The following RCL1 variants were observed in gnomAD, a reference collection of about 807,000 sequenced individuals.
RCL1 encodes RNA terminal phosphate cyclase like 1, also known as RNA 3'-terminal phosphate cyclase-like protein.
Under a neutral mutation model 42.4 loss-of-function variants are expected in RCL1, and 24 were observed. The ratio of observed to expected loss-of-function variants is 0.57; its 90% confidence interval spans 0.41 to 0.80. The LOEUF is 0.80. RCL1 is among the 30% of genes least tolerant of loss of function. RCL1 has a pLI of 0.00. For synonymous variants in RCL1, 228 were observed against 177.3 expected (o/e 1.29, Z -2.27); for missense variants, 578 against 467.9 (o/e 1.24, Z -2.17).
In RCL1 at chr9:4,793,062, G is replaced by T; in HGVS notation, c.-30G>T. 1 of 1,596,936 alleles carries T rather than the reference G, an allele frequency of 6.3e-7. No homozygotes were observed. The highest frequency in any genetic ancestry group is 8.5e-7 in the Non-Finnish European group (1 of 1,171,640). Reference sequence around the variant, plus strand: ...GTCTGTCCGAAGTCGCCGCTCTCGGGCTGCTCACGTCTCTTCGGAGAGCGC... The same window carrying T: ...GTCTGTCCGAAGTCGCCGCTCTCGGTCTGCTCACGTCTCTTCGGAGAGCGC... On this transcript the variant is annotated 5_prime_UTR_variant, in exon 1 of 9. Transcript: ENST00000381750.
chr9:4,845,032 C>G (rs909742959), intron 7 of RCL1, among the ~76,000 whole-genome samples: 2 of 152,120 alleles, frequency 1.3e-5, no homozygotes, highest in African/African-American at 2.4e-5. Context: ...CCCGGCACCC[C>G]CCGATTGCTG....
chr9:4,800,714 G>A (rs1461753681), intron 1 of RCL1, among the ~76,000 whole-genome samples: 8 of 141,320 alleles, frequency 5.7e-5, no homozygotes, highest in Non-Finnish European at 1.1e-4. Context: ...ATGCAGTGAT[G>A]TGATCTTGGC....
At chr9:4,825,402 C>A (rs1816726259) in intron 2 of RCL1, among the ~76,000 whole-genome samples, 1 of 152,004 alleles carries the variant, frequency 6.6e-6, no homozygotes, top group Admixed American at 6.5e-5. Flanking sequence ...GTTTTTTGAT[C>A]TAAAGGATGG....
At chr9:4,837,297 A>G (rs981687424) in intron 5 of RCL1, among the ~76,000 whole-genome samples, 1 of 152,188 alleles carries the variant, frequency 6.6e-6, no homozygotes, top group Non-Finnish European at 1.5e-5. Flanking sequence ...ACTGTTGCCA[A>G]ATACACTGCG....
At position 4,844,566 on chromosome 9, in the gene RCL1, G is replaced by A. The variant is rs1201302921; in HGVS notation, c.752G>A (p.Ser251Asn). ...TTGTCACTGGTTGCTGAGACCACCA[G>A]TGGCACCTTCCTCAGTGCTGAACTG... is the stretch of plus-strand genomic sequence containing the variant. ...FGLSLVAETTSGTFLSAELAS... is the reference protein window; with the variant it reads ...FGLSLVAETTNGTFLSAELAS... The change falls in exon 7 of 9, where the codon AGT becomes AAT. Residue 251 changes from serine to asparagine, a missense_variant. Coordinates refer to ENST00000381750, the MANE Select transcript of RCL1 (RefSeq NM_005772.5). 2.0e-5 allele frequency: 32 copies of A among 1,613,712 alleles called. No homozygotes were observed. The highest frequency in any genetic ancestry group is 2.7e-5 in the Non-Finnish European group (32 of 1,179,866).
chr9:4,842,053 T>C (rs1488148707), intron 6 of RCL1, among the ~76,000 whole-genome samples: 1 of 152,236 alleles, frequency 6.6e-6, no homozygotes, highest in Non-Finnish European at 1.5e-5. Flanking sequence ...AACACGGAGA[T>C]ATACTCCTGC....
chr9:4,838,317 C>A (rs182255168), intron 5 of RCL1, among the ~76,000 whole-genome samples: 71 of 152,312 alleles, frequency 4.7e-4, no homozygotes, highest in African/African-American at 1.6e-3. Context: ...TTGGTTCCTG[C>A]CAGCAGCTGT....
chr9:4,810,668 C>G (rs562069403), intron 1 of RCL1, among the ~76,000 whole-genome samples: 1 of 152,208 alleles, frequency 6.6e-6, no homozygotes, highest in Admixed American at 6.5e-5. Context: ...GTGTATGTCT[C>G]TTGCCTGAAT....
intron 1 of RCL1, among the ~76,000 whole-genome samples, chr9:4,816,409 A>G (rs1816379711): frequency 6.6e-6 from 1 of 152,176 alleles, no homozygotes; most frequent in South Asian, 2.1e-4. Context: ...TTCTGTTTTA[A>G]AATATAAACT....
chr9:4,822,867 A>C (rs1389885029), intron 1 of RCL1, among the ~76,000 whole-genome samples: 1 of 152,166 alleles, frequency 6.6e-6, no homozygotes, highest in Non-Finnish European at 1.5e-5. Flanking sequence ...TATAAAATCC[A>C]ATCATTAAGA....
intron 5 of RCL1, among the ~76,000 whole-genome samples, chr9:4,836,247 G>C (rs984854996): frequency 6.6e-6 from 1 of 152,118 alleles, no homozygotes; most frequent in Non-Finnish European, 1.5e-5. Context: ...AACGTGGGAG[G>C]ACCAATTTCA....
chr9:4,809,517 C>T (rs975716736), intron 1 of RCL1, among the ~76,000 whole-genome samples: 2 of 152,200 alleles, frequency 1.3e-5, no homozygotes, highest in South Asian at 4.1e-4. Flanking sequence ...ACCAAGTTGG[C>T]CAGGCCGGTC....
chr9:4,859,475 C>T (rs1352944708), intron 8 of RCL1, among the ~76,000 whole-genome samples: 2 of 151,940 alleles, frequency 1.3e-5, no homozygotes, highest in Non-Finnish European at 2.9e-5. Context: ...CATTTGAGTG[C>T]AATATTCCCA....
intron 1 of RCL1, among the ~76,000 whole-genome samples, chr9:4,805,543 A>T (rs1447468735): frequency 6.6e-6 from 1 of 152,256 alleles, no homozygotes; most frequent in Non-Finnish European, 1.5e-5. Flanking sequence ...AGAAAACTAA[A>T]CTCTTATAGA....
chr9:4,793,958 G>T (rs1005852614), intron 1 of RCL1, among the ~76,000 whole-genome samples: 2 of 152,148 alleles, frequency 1.3e-5, no homozygotes, highest in Non-Finnish European at 1.5e-5. Flanking sequence ...AAAAGAAATA[G>T]GCCCATTTAA....
chr9:4,813,312 T>C (rs1281990024), intron 1 of RCL1, among the ~76,000 whole-genome samples: 1 of 152,096 alleles, frequency 6.6e-6, no homozygotes. Context: ...ATATCCAGAA[T>C]CTACAAAGAA....
In RCL1 at chr9:4,793,041, G is replaced by T. The variant is rs764547174; in HGVS notation, c.-51G>T. The T allele has an allele frequency of 1.3e-6, 2 of 1,570,868 alleles. No individual in the cohort carries two copies. The highest frequency in any genetic ancestry group is 1.2e-5 in the South Asian group (1 of 86,426). Reference sequence around the variant, plus strand: ...CATCGGAGTCACGAGTCCCGCGTCTGTCCGAAGTCGCCGCTCTCGGGCTGC... The same window carrying T: ...CATCGGAGTCACGAGTCCCGCGTCTTTCCGAAGTCGCCGCTCTCGGGCTGC... On this transcript the variant is annotated 5_prime_UTR_variant, in exon 1 of 9. Transcript: ENST00000381750.
intron 1 of RCL1, among the ~76,000 whole-genome samples, chr9:4,818,401 G>A (rs1173473481): frequency 6.6e-6 from 1 of 151,682 alleles, no homozygotes; most frequent in African/African-American, 2.4e-5. Flanking sequence ...TTATCACATT[G>A]TATATAATAA....
chr9:4,810,271 C>T (rs182775525), intron 1 of RCL1, among the ~76,000 whole-genome samples: 14 of 152,224 alleles, frequency 9.2e-5, no homozygotes, highest in East Asian at 7.7e-4. Context: ...GTGGACATAC[C>T]GATGTAGCTA....
Sources: gnomAD v4.1 joint callset for allele counts (sites outside exome capture counted in the v4.1 genomes callset) on GRCh38, gnomAD v4.1.1 for gene constraint, MANE v1.5 for transcripts, NCBI Gene and HGNC (gene_info 2026-07-23, HGNC 2026-07-21) for gene names.